The following SYNDIG1L variants were observed in gnomAD, a reference collection of about 807,000 sequenced individuals.
The protein encoded by SYNDIG1L is synapse differentiation inducing 1 like.
In SYNDIG1L, 13 loss-of-function variants were observed where a neutral mutation model predicts 20.1. The observed-to-expected ratio is 0.65, with a 90% confidence interval of 0.42 to 1.03. The LOEUF (loss-of-function observed/expected upper bound fraction) is 1.03, where lower values mean the gene tolerates loss of function less well. SYNDIG1L is among the 50% of genes least tolerant of loss of function. The pLI is 0.00. For missense variants in SYNDIG1L, 294 were observed against 305.1 expected (o/e 0.96, Z 0.27); for synonymous variants, 128 against 129.3 (o/e 0.99, Z 0.07).
rs181029935 is a variant in SYNDIG1L, at chr14:74,408,989, G to A, written c.417+339C>T. Among the ~76,000 whole-genome samples the A allele has an allele frequency of 3.0e-4, 45 of 152,106 alleles. 1 individual carries two copies. Among genetic ancestry groups the A allele is most frequent in the Middle Eastern group, 3.4e-3 (1 of 292 alleles). The stretch of plus-strand genomic sequence containing the variant: ...TTCTTTGGTAGTATACAGATTCCTG[G>A]GCCCTAATCCAGGCCTCTTAGATCT... On this transcript the variant is annotated intron_variant, in intron 2 of 3. Transcript: ENST00000331628.
the SYNDIG1L span, among the ~76,000 whole-genome samples, chr14:74,468,608 T>G: frequency 6.6e-6 from 1 of 152,136 alleles, no homozygotes; most frequent in Non-Finnish European, 1.5e-5. Context: ...CCACACACAC[T>G]GCAGTGGGAT....
chr14:74,428,171 A>G (rs938387117), upstream of SYNDIG1L, among the ~76,000 whole-genome samples: 2 of 152,246 alleles, frequency 1.3e-5, no homozygotes, highest in African/African-American at 4.8e-5. Context: ...CAGTCGCCTA[A>G]TCTTCCTGGG....
chr14:74,419,858 G>T (rs987699412), intron 1 of SYNDIG1L, among the ~76,000 whole-genome samples: 1 of 152,064 alleles, frequency 6.6e-6, no homozygotes, highest in Admixed American at 6.5e-5. Context: ...TAGCACAAAA[G>T]CATGGGGTAG....
chr14:74,448,592 TAC>T, the SYNDIG1L span, among the ~76,000 whole-genome samples: 2 of 152,174 alleles, frequency 1.3e-5, no homozygotes, highest in African/African-American at 4.8e-5. Flanking sequence ...GCTTTTTAAG[TAC>T]ACAGAGACCA....
upstream of SYNDIG1L, among the ~76,000 whole-genome samples, chr14:74,426,479 G>C (rs2086267692): frequency 6.6e-6 from 1 of 152,148 alleles, no homozygotes; most frequent in Non-Finnish European, 1.5e-5. Context: ...GCACCCCAGA[G>C]CGATGGGAGG....
chr14:74,441,087 A>G, the SYNDIG1L span, among the ~76,000 whole-genome samples: 41 of 152,234 alleles, frequency 2.7e-4, no homozygotes, highest in Admixed American at 2.6e-3. Flanking sequence ...AAAGAAAGTT[A>G]TTATGGTTCA....
chr14:74,445,498 G>A, the SYNDIG1L span, among the ~76,000 whole-genome samples: 8 of 149,830 alleles, frequency 5.3e-5, no homozygotes, highest in East Asian at 2.0e-4. Context: ...GTTTTGAGAC[G>A]GAGTCTCACT....
intron 1 of SYNDIG1L, among the ~76,000 whole-genome samples, chr14:74,423,594 C>G (rs1001952093): frequency 1.3e-5 from 2 of 152,062 alleles, no homozygotes; most frequent in Admixed American, 1.3e-4. Flanking sequence ...TCAGCTCTAC[C>G]GAAATGCCAA....
chr14:74,409,966 G>A lies in SYNDIG1L; in HGVS notation c.-57-165C>T, dbSNP rs115616419. 3.6e-3 allele frequency among the ~76,000 whole-genome samples: 542 copies of A among 152,346 alleles called. 7 individuals are homozygous for A. Among genetic ancestry groups the A allele is most frequent in the African/African-American group, 0.012 (517 of 41,578 alleles). On this transcript the variant is annotated intron_variant, in intron 1 of 3. Transcript: ENST00000331628. ...GGCTACTTCACTTCTCAGGGCCTCC[G>A]TTTCTTTGTCTGTGGCTTGGGACTG...
chr14:74,429,694 C>T (rs2086289905), upstream of SYNDIG1L, among the ~76,000 whole-genome samples: 3 of 152,250 alleles, frequency 2.0e-5, no homozygotes, highest in Admixed American at 1.3e-4. Context: ...AGAGGTGGGC[C>T]TTTGGACTGC....
chr14:74,478,571 C>T, the SYNDIG1L span, among the ~76,000 whole-genome samples: 1 of 152,236 alleles, frequency 6.6e-6, no homozygotes, highest in Middle Eastern at 3.4e-3. Context: ...GAGGAGTATG[C>T]AGGGTGGGTA....
chr14:74,467,089 T>G, the SYNDIG1L span, among the ~76,000 whole-genome samples: 1 of 152,190 alleles, frequency 6.6e-6, no homozygotes, highest in African/African-American at 2.4e-5. Context: ...TCTCACACTT[T>G]TCTCATTAAT....
the SYNDIG1L span, among the ~76,000 whole-genome samples, chr14:74,443,742 G>C: frequency 6.6e-6 from 1 of 152,316 alleles, no homozygotes; most frequent in East Asian, 1.9e-4. Flanking sequence ...GGGAGACCTG[G>C]AGGATGGCTG....
chr14:74,433,438 C>T, the SYNDIG1L span, among the ~76,000 whole-genome samples: 6 of 151,842 alleles, frequency 4.0e-5, no homozygotes, highest in African/African-American at 1.5e-4. Flanking sequence ...GGCTGGAGTG[C>T]AGTCGTGCAA....
the SYNDIG1L span, among the ~76,000 whole-genome samples, chr14:74,475,838 A>C: frequency 2.0e-5 from 3 of 152,148 alleles, no homozygotes; most frequent in African/African-American, 7.2e-5. Context: ...AGTAACTAGA[A>C]AACGATTCAT....
At chr14:74,439,319 G>A in the SYNDIG1L span, among the ~76,000 whole-genome samples, 1 of 152,098 alleles carries the variant, frequency 6.6e-6, no homozygotes, top group East Asian at 1.9e-4. Flanking sequence ...GGAGGCTGGG[G>A]AGGTTCAGAG....
chr14:74,409,769 G>T lies in SYNDIG1L; in HGVS notation c.-25C>A, dbSNP rs992872635. 3.5e-6 allele frequency: 5 copies of T among 1,414,940 alleles called. No individual in the cohort carries two copies. Among genetic ancestry groups the T allele is most frequent in the Non-Finnish European group, 4.6e-6 (5 of 1,080,460 alleles). The allele number at this position is 1,414,940 out of a possible 1,614,324, so 87.6% of individuals were successfully genotyped here. A position where few individuals can be genotyped will look rare whatever the true frequency, so the allele number is the denominator to read the frequency against. Reference sequence around the variant, plus strand: ...TGGTTCTGGGGCAGCTGCTGGGGAGGGGGGCCTGGGCCAGCTGAGCAGTCC... The same window carrying T: ...TGGTTCTGGGGCAGCTGCTGGGGAGTGGGGCCTGGGCCAGCTGAGCAGTCC... On this transcript the variant is annotated 5_prime_UTR_variant, in exon 2 of 4. Transcript: ENST00000331628.
At chr14:74,477,979 G>T in the SYNDIG1L span, among the ~76,000 whole-genome samples, 3 of 152,232 alleles carry the variant, frequency 2.0e-5, no homozygotes, top group African/African-American at 7.2e-5. Flanking sequence ...GCTCACGGCT[G>T]CAGGCTTCAT....
chr14:74,453,449 G>A, the SYNDIG1L span, among the ~76,000 whole-genome samples: 1 of 150,678 alleles, frequency 6.6e-6, no homozygotes, highest in African/African-American at 2.4e-5. Context: ...CAAGGAACAG[G>A]GGAACAGGAA....
Sources: gnomAD v4.1 joint callset for allele counts (sites outside exome capture counted in the v4.1 genomes callset) on GRCh38, gnomAD v4.1.1 for gene constraint, MANE v1.5 for transcripts, NCBI Gene and HGNC (gene_info 2026-07-23, HGNC 2026-07-21) for gene names.